BRSK1: variants seen among roughly 807,000 people sequenced by gnomAD.
BRSK1 encodes the protein BR serine/threonine kinase 1, also known as serine/threonine-protein kinase BRSK1.
BRSK1 carries 17 observed loss-of-function variants against 86.2 expected under a neutral mutation model. The ratio of observed to expected loss-of-function variants is 0.20; its 90% CI spans 0.14 to 0.30. The LOEUF (loss-of-function observed/expected upper bound fraction) is 0.30, where lower values mean the gene tolerates loss of function less well. Ranked by LOEUF, BRSK1 falls within the 10% of genes least tolerant of loss-of-function variation. BRSK1 has a pLI of 1.00. For synonymous variants in BRSK1, 464 were observed against 440.1 expected (o/e 1.05, Z -0.68); for missense variants, 719 against 1,071.9 (o/e 0.67, Z 4.60).
At position 55,304,791 on chromosome 19, in the gene BRSK1, G is replaced by T; in HGVS notation, c.1588G>T (p.Gly530Trp). 6.4e-7 allele frequency: 1 copy of T among 1,564,326 alleles called. No individual in the cohort carries two copies. Among genetic ancestry groups the T allele is most frequent in the East Asian group, 2.4e-5 (1 of 42,008 alleles). Residue 530 changes from glycine to tryptophan, a missense_variant, in exon 14 of 19, where the codon GGG becomes TGG. By Grantham distance (184) the Gly-to-Trp change is radical. This residue lies in a region of BRSK1 where 143 missense variants were observed against 120.1 expected (regional missense o/e 1.19). Transcript: ENST00000309383. The surrounding 1 kb of genome is among the most constrained non-coding windows in gnomAD (Gnocchi z 5.2). ...GCACACGCCCCGGGCCAGTCCCACC[G>T]GGACCCCGGGGACAACACCACCCCC... is the stretch of plus-strand genomic sequence containing the variant. ...PLHTPRASPT[G>W]TPGTTPPPSP...
At chr19:55,289,797 T>C (rs2088377241) in intron 4 of BRSK1, among the ~76,000 whole-genome samples, 177 bp downstream of exon 4, 1 of 152,156 alleles carries the variant, frequency 6.6e-6, no homozygotes. Context: ...TCAGTGGTTT[T>C]TGATATATTT....
rs528437340 is a variant in BRSK1, at chr19:55,289,694, G to A, written c.458+74G>A. The stretch of plus-strand genomic sequence containing the variant: ...ACAGGCCCTTGGGGGCATGTGGAGG[G>A]CTGAGCAAAAGCCATGTGGTCGGCC... On this transcript the variant is annotated intron_variant, in intron 4 of 18. Coordinates refer to ENST00000309383, the MANE Select transcript of BRSK1 (RefSeq NM_032430.2). 936 of 1,556,672 alleles carry A rather than the reference G, an allele frequency of 6.0e-4. 6 individuals are homozygous for A. In the South Asian group the frequency reaches 6.5e-3, roughly 11 times the overall value.
Position 55,312,098 on chromosome 19 carries a change from C to T in BRSK1, c.*30C>T, listed in dbSNP as rs1329986551. 2 of 1,071,874 alleles carry T rather than the reference C, an allele frequency of 1.9e-6. No homozygotes were observed. Among genetic ancestry groups the T allele is most frequent in the Admixed American group, 6.6e-5 (2 of 30,462 alleles). The allele number at this position is 1,071,874 out of a possible 1,614,324, so 66.4% of individuals were successfully genotyped here. On this transcript the variant is annotated 3_prime_UTR_variant, in exon 19 of 19. Transcript: ENST00000309383. ...ACGGGGCCGGGGAGGGAGGGGACCCCCCTCCACCCCCCTTCCGTGCCCCCC... is the reference window on the plus strand; with the variant it reads ...ACGGGGCCGGGGAGGGAGGGGACCCTCCTCCACCCCCCTTCCGTGCCCCCC...
chr19:55,289,188 G>C (rs951569818), intron 3 of BRSK1, among the ~76,000 whole-genome samples: 3 of 152,104 alleles, frequency 2.0e-5, no homozygotes, highest in Admixed American at 1.3e-4. Flanking sequence ...AGCTGACATG[G>C]GAGGCTCTAC....
chr19:55,305,902 G>A (rs1483128050), intron 16 of BRSK1, among the ~76,000 whole-genome samples: 1 of 152,202 alleles, frequency 6.6e-6, no homozygotes, highest in East Asian at 1.9e-4. Flanking sequence ...CTGGTCTGTG[G>A]TTTTATGCCT....
chr19:55,288,625 G>T (rs997443928), intron 3 of BRSK1, among the ~76,000 whole-genome samples: 2 of 151,882 alleles, frequency 1.3e-5, no homozygotes, highest in South Asian at 2.1e-4. Flanking sequence ...TGCTCTTGTT[G>T]CCCAGGCTGG....
At chr19:55,309,896 G>A (rs528392194) in intron 18 of BRSK1, among the ~76,000 whole-genome samples, 144 of 152,320 alleles carry the variant, frequency 9.5e-4, no homozygotes, top group African/African-American at 3.3e-3. Context: ...TGCAGGGCAC[G>A]TGGACAGCCG....
Position 55,284,489 on chromosome 19 carries a change from A to ACCAACCC in BRSK1, c.49_50insAACCCCC (p.Leu17GlnfsTer35). 7 of 764,826 alleles carry ACCAACCC rather than the reference A, an allele frequency of 9.2e-6. No homozygotes were observed. Among genetic ancestry groups the ACCAACCC allele is most frequent in the Non-Finnish European group, 1.4e-5 (7 of 515,350 alleles). The allele number at this position is 764,826 out of a possible 1,614,324, so 47.4% of individuals were successfully genotyped here. A position where few individuals can be genotyped will look rare whatever the true frequency, so the allele number is the denominator to read the frequency against. On this transcript the variant is annotated frameshift_variant, in exon 1 of 19. Coordinates refer to ENST00000309383, the MANE Select transcript of BRSK1 (RefSeq NM_032430.2). LOFTEE classifies it high-confidence loss of function. ...GGAGGTGGGGGCTCTCCCGCCTACC[A>ACCAACCC]CCTCCCCCACCCCCACCCCCACCCA...
chr19:55,304,399 T>A lies in BRSK1; in HGVS notation c.1348-152T>A. The stretch of plus-strand genomic sequence containing the variant: ...ACAGCATGATAGAAAGTCTTTGCTA[T>A]CCTTGCTCTGGGGCCTGGGAAGGAG... On this transcript the variant is annotated intron_variant, in intron 13 of 18. Transcript: ENST00000309383. This position sits in a 1 kb window ranked among gnomAD's most constrained non-coding sequence, Gnocchi z 5.2. The A allele has an allele frequency of 9.7e-7, 1 of 1,034,016 alleles. No homozygotes were observed. Among genetic ancestry groups the A allele is most frequent in the Non-Finnish European group, 1.4e-6 (1 of 737,584 alleles). 64.1% of individuals were successfully genotyped at this position (1,034,016 alleles called of 1,614,324 possible).
rs1276051512 is a variant in BRSK1, at chr19:55,304,706, C to G, written c.1503C>G (p.Pro501=). ...QPPPPSARST[P]LPGPPGSPRS... ...CGCCCCCCAGTGCCCGCTCCACACC[C>G]CTGCCCGGCCCCCCAGGCTCCCCGC... Residue 501 remains proline (P), a synonymous_variant, in exon 14 of 19, where the codon CCC becomes CCG. Coordinates refer to ENST00000309383, the MANE Select transcript of BRSK1 (RefSeq NM_032430.2). This position sits in a 1 kb window ranked among gnomAD's most constrained non-coding sequence, Gnocchi z 5.2. The G allele has an allele frequency of 1.3e-6, 2 of 1,498,692 alleles. No homozygotes were observed. The highest frequency in any genetic ancestry group is 2.5e-5 in the East Asian group (1 of 40,124). The allele number at this position is 1,498,692 out of a possible 1,614,324, so 92.8% of individuals were successfully genotyped here. A position where few individuals can be genotyped will look rare whatever the true frequency, so the allele number is the denominator to read the frequency against.
chr19:55,301,686 G>A (rs1433576904), intron 8 of BRSK1, 28 bp downstream of exon 8: 2 of 1,601,024 alleles, frequency 1.2e-6, no homozygotes, highest in Non-Finnish European at 1.7e-6. Context: ...CCGGCGGAGG[G>A]GGGAACAGTG....
At chr19:55,308,450 C>T (rs1028807921) in intron 17 of BRSK1, among the ~76,000 whole-genome samples, 189 bp from the exon 18 acceptor site, 16 of 117,404 alleles carry the variant, frequency 1.4e-4, no homozygotes, top group African/African-American at 9.5e-5. Context: ...TGAGTTTGAC[C>T]GTGATCCTTA....
intron 18 of BRSK1, among the ~76,000 whole-genome samples, chr19:55,311,073 C>T (rs1256306075): frequency 2.6e-5 from 4 of 152,062 alleles, no homozygotes; most frequent in Non-Finnish European, 5.9e-5. Context: ...ATGATTCTCC[C>T]GCCTCAGCCT....
At chr19:55,305,956 G>A (rs919426771) in intron 16 of BRSK1, among the ~76,000 whole-genome samples, 4 of 152,212 alleles carry the variant, frequency 2.6e-5, no homozygotes, top group Admixed American at 1.3e-4. Context: ...ATATGGCTAT[G>A]GGAAGCATTT....
chr19:55,309,233 G>T (rs1027047951), intron 18 of BRSK1, among the ~76,000 whole-genome samples: 7 of 152,094 alleles, frequency 4.6e-5, no homozygotes, highest in Non-Finnish European at 8.8e-5. Flanking sequence ...TCACCCTGGG[G>T]CTAGGGCCTA....
chr19:55,285,128 A>G (rs879223399), intron 1 of BRSK1, among the ~76,000 whole-genome samples: 2 of 129,088 alleles, frequency 1.5e-5, no homozygotes, highest in African/African-American at 6.1e-5. Context: ...CTGGACTTTC[A>G]GGTCTGAGGG....
chr19:55,305,628 C>G (rs748613592), intron 16 of BRSK1, 42 bp downstream of exon 16: 1 of 1,612,602 alleles, frequency 6.2e-7, no homozygotes, highest in East Asian at 2.2e-5. Context: ...CCCCGCAGAA[C>G]TACAAGTCCC....
chr19:55,288,774 G>C (rs1055998643), intron 3 of BRSK1, among the ~76,000 whole-genome samples: 1 of 151,868 alleles, frequency 6.6e-6, no homozygotes, highest in Non-Finnish European at 1.5e-5. Flanking sequence ...TAGTAGAGAC[G>C]GGGTTTCACC....
In BRSK1 at chr19:55,303,767, G is replaced by A; in HGVS notation, c.1227G>A (p.Gly409=). Residue 409 remains glycine, a synonymous_variant, in exon 12 of 19, where the codon GGG becomes GGA. Transcript: ENST00000309383. The surrounding 1 kb of genome is among the most constrained non-coding windows in gnomAD (Gnocchi z 5.1). ...SMEVLSITDA[G]GGGSPVPTRR... is the part of the protein sequence containing the mutation. ...AAGTCCTGAGCATCACCGATGCCGGGGGTGGTGGCTCCCCTGTACCCACCC... is the reference window on the plus strand; with the variant it reads ...AAGTCCTGAGCATCACCGATGCCGGAGGTGGTGGCTCCCCTGTACCCACCC... 1 of 1,612,960 alleles carries A rather than the reference G, an allele frequency of 6.2e-7. No individual in the cohort carries two copies.
Sources: allele counts gnomAD v4.1 joint callset (sites outside exome capture counted in the v4.1 genomes callset), GRCh38; gene constraint gnomAD v4.1.1; regional missense constraint gnomAD v4.1.1; non-coding constraint Gnocchi (gnomAD v3.1); transcripts MANE v1.5; gene names NCBI Gene and HGNC (gene_info 2026-07-23, HGNC 2026-07-21).